PEX11G: variants seen among roughly 807,000 people sequenced by gnomAD.
PEX11G encodes the protein peroxisomal membrane protein 11C.
PEX11G carries 20 observed loss-of-function variants against 22.5 expected under a neutral mutation model. That is an observed-to-expected ratio of 0.89 (90% CI 0.62 to 1.29). The LOEUF is 1.29. PEX11G is among the 50% of genes most tolerant of loss of function. The probability of loss-of-function intolerance (pLI) is 0.00; values close to 1 mark genes in which losing one functional copy is unlikely to be tolerated. For synonymous variants in PEX11G, 141 were observed against 154.5 expected (o/e 0.91, Z 0.65); for missense variants, 347 against 331.3 (o/e 1.05, Z -0.37).
At chr19:7,484,248 G>A (rs758361726) in intron 2 of PEX11G, among the ~76,000 whole-genome samples, 9 of 152,026 alleles carry the variant, frequency 5.9e-5, no homozygotes, top group African/African-American at 1.2e-4. Flanking sequence ...CAGCTATTCC[G>A]GAGGCTGAGG....
chr19:7,478,570 C>T (rs1977344706), intron 3 of PEX11G, among the ~76,000 whole-genome samples, 194 bp from the exon 4 acceptor site: 1 of 152,240 alleles, frequency 6.6e-6, no homozygotes, highest in Non-Finnish European at 1.5e-5. Context: ...TAACACGGCC[C>T]CGTCCCACCC....
chr19:7,486,102 C>A, intron 1 of PEX11G, 76 bp from the exon 2 acceptor site: 1 of 1,304,460 alleles, frequency 7.7e-7, no homozygotes, highest in South Asian at 1.5e-5. Flanking sequence ...TACCTGGCCC[C>A]GGGCCCCGCT....
Position 7,494,294 on chromosome 19 carries a change from AGG to A in PEX11G, c.-457+3107_-457+3108del, listed in dbSNP as rs1275557280. ...GTGGTCCCAGCTACTCAGGAGTCTG[AGG>A]CACGAGAATCGATTGAATCCAGGAG... is the stretch of plus-strand genomic sequence containing the variant. On this transcript the variant is annotated intron_variant, in intron 1 of 6. Transcript: ENST00000593942. 9.7e-4 allele frequency among the ~76,000 whole-genome samples: 148 copies of A among 152,312 alleles called. No homozygotes were observed. The Middle Eastern group carries it at 0.024, about 25-fold the overall frequency.
chr19:7,487,101 G>A (rs2021696267), intron 1 of PEX11G, among the ~76,000 whole-genome samples: 1 of 152,092 alleles, frequency 6.6e-6, no homozygotes, highest in Non-Finnish European at 1.5e-5. Context: ...CATACTTGGA[G>A]GTGGGACAAA....
At chr19:7,489,086 C>T, upstream of PEX11G, 1 of 1,389,726 alleles carries the variant, frequency 7.2e-7, no homozygotes, top group Non-Finnish European at 9.3e-7. Flanking sequence ...CCGGGAGCGC[C>T]CCAAAGGCTT....
In PEX11G at chr19:7,477,256, G is replaced by A. The variant is rs1197636980; in HGVS notation, c.672C>T (p.Leu224=). The change falls in exon 5 of 5, where the codon CTC becomes CTT. Residue 224 remains leucine (L), a synonymous_variant. Transcript: ENST00000221480. ...CGGCCCGGGCCGCCTGGTACATGCT[G>A]AGGATTGAGGAGATGGTGCCCATGA... ...VGLMGTISSI[L]SMYQAARAGG... 6.3e-7 allele frequency: 1 copy of A among 1,580,746 alleles called. No homozygotes were observed.
chr19:7,485,736 T>C, intron 2 of PEX11G, 102 bp downstream of exon 2: 5 of 1,095,192 alleles, frequency 4.6e-6, no homozygotes, highest in Non-Finnish European at 6.5e-6. Flanking sequence ...CACAAAGTGC[T>C]GGGATTACAA....
upstream of PEX11G, chr19:7,493,206 G>T (rs1077881): frequency 0.19 from 28,966 of 151,596 alleles, 2,944 homozygotes; most frequent in African/African-American, 0.24. Flanking sequence ...TTCTGTTTTT[G>T]TTTTTAAACA....
At chr19:7,483,234 CCTT>C (rs989039562) in intron 2 of PEX11G, 3 of 152,410 alleles carry the variant, frequency 2.0e-5, no homozygotes, top group Non-Finnish European at 2.9e-5. Flanking sequence ...ATGCTGCTCT[CCTT>C]CTTTCTGGCC....
intron 1 of PEX11G, 84 bp downstream of exon 1, chr19:7,488,867 C>G (rs1568384306): frequency 1.4e-6 from 2 of 1,422,982 alleles, no homozygotes. Context: ...CCTGGGCGAC[C>G]CCGTCCCCTC....
At position 7,485,522 on chromosome 19, in the gene PEX11G, A is replaced by T. The variant is rs1424244102; in HGVS notation, c.249+316T>A. 2.0e-5 allele frequency among the ~76,000 whole-genome samples: 3 copies of T among 151,840 alleles called. No homozygotes were observed. In the South Asian group the frequency reaches 6.2e-4, roughly 31 times the overall value. On this transcript the variant is annotated intron_variant, in intron 2 of 4. Transcript: ENST00000221480. ...AGGCGCCTGCAACCACACCTGGCTAATTTTTTGCATTTTTAGTAGAGACGG... is the reference window on the plus strand; with the variant it reads ...AGGCGCCTGCAACCACACCTGGCTATTTTTTTGCATTTTTAGTAGAGACGG...
intron 1 of PEX11G, 62 bp from the exon 2 acceptor site, chr19:7,486,088 C>A: frequency 1.4e-6 from 2 of 1,438,260 alleles, no homozygotes; most frequent in East Asian, 2.4e-5. Context: ...GCTGCATCCC[C>A]CCATACCTGG....
chr19:7,486,229 C>T, intron 1 of PEX11G, among the ~76,000 whole-genome samples: 1 of 152,084 alleles, frequency 6.6e-6, no homozygotes, highest in Admixed American at 6.5e-5. Flanking sequence ...CATGTTCAAG[C>T]AATTCTTGTG....
At chr19:7,484,384 C>T (rs980621690) in intron 2 of PEX11G, among the ~76,000 whole-genome samples, 3 of 151,574 alleles carry the variant, frequency 2.0e-5, no homozygotes, top group African/African-American at 4.8e-5. Flanking sequence ...GAAATGATGC[C>T]GAAGCTGTAC....
chr19:7,479,390 A>G (rs980750347), intron 3 of PEX11G, among the ~76,000 whole-genome samples: 15 of 152,210 alleles, frequency 9.9e-5, no homozygotes, highest in African/African-American at 3.6e-4. Context: ...AGGCTGAGGC[A>G]GGAGAATCAC....
intron 2 of PEX11G, among the ~76,000 whole-genome samples, chr19:7,482,581 T>C (rs1201207135): frequency 1.3e-5 from 2 of 152,224 alleles, no homozygotes; most frequent in Non-Finnish European, 1.5e-5. Flanking sequence ...TCCCAGGGGA[T>C]TCCCAGGCCA....
At chr19:7,492,685 G>T (rs189801043), upstream of PEX11G, among the ~76,000 whole-genome samples, 9 of 152,086 alleles carry the variant, frequency 5.9e-5, no homozygotes, top group East Asian at 1.7e-3. Flanking sequence ...CAAGAAATCT[G>T]CCCACCTCGG....
In PEX11G at chr19:7,488,955, C is replaced by A; in HGVS notation, c.56G>T (p.Arg19Leu). The A allele has an allele frequency of 6.4e-7, 1 of 1,553,178 alleles. No individual in the cohort carries two copies. Among genetic ancestry groups the A allele is most frequent in the Non-Finnish European group, 8.7e-7 (1 of 1,150,208 alleles). The part of the protein sequence containing the change: ...SALESYRGRD[R>L]LIRVLGYCCQ... ...CCCGGTCCGCCCCTGCCTCACCAGGCGGTCCCGGCCCCTGTACGACTCCAG... is the reference window on the plus strand; with the variant it reads ...CCCGGTCCGCCCCTGCCTCACCAGGAGGTCCCGGCCCCTGTACGACTCCAG... Residue 19 changes from arginine to leucine, a missense_variant, in exon 1 of 5, where the codon CGC becomes CTC. Arg to Leu is a moderately radical substitution (Grantham distance 102, BLOSUM62 -2). Coordinates refer to ENST00000221480, the MANE Select transcript of PEX11G (RefSeq NM_080662.4).
Position 7,477,111 on chromosome 19 carries a change from T to C in PEX11G, c.*91A>G, listed in dbSNP as rs1599200658. On this transcript the variant is annotated 3_prime_UTR_variant, in exon 5 of 5. Transcript: ENST00000221480. ...ATGGGTTTCACCACAGGCAGCTCCA[T>C]GAGAGCCCCGGCCCCTGCCCTGGCG... 2 of 1,237,060 alleles carry C rather than the reference T, an allele frequency of 1.6e-6. No homozygotes were observed. Among genetic ancestry groups the C allele is most frequent in the African/African-American group, 1.6e-5 (1 of 63,284 alleles). The allele number at this position is 1,237,060 out of a possible 1,614,324, so 76.6% of individuals were successfully genotyped here. A position where few individuals can be genotyped will look rare whatever the true frequency, so the allele number is the denominator to read the frequency against.
Sources: allele counts gnomAD v4.1 joint callset (sites outside exome capture counted in the v4.1 genomes callset), GRCh38; gene constraint gnomAD v4.1.1; transcripts MANE v1.5; gene names NCBI Gene and HGNC (gene_info 2026-07-23, HGNC 2026-07-21).